CCDC40: variants seen among roughly 807,000 people sequenced by gnomAD.
CCDC40 encodes the protein coiled-coil domain-containing protein 40.
Under a neutral mutation model 124.5 loss-of-function variants are expected in CCDC40, and 104 were observed. The ratio of observed to expected loss-of-function variants is 0.84; its 90% confidence interval spans 0.71 to 0.98. The LOEUF (loss-of-function observed/expected upper bound fraction) is 0.98, where lower values mean the gene tolerates loss of function less well. Ranked by LOEUF, CCDC40 falls within the 50% of genes least tolerant of loss-of-function variation. CCDC40 has a pLI of 0.00. For synonymous variants in CCDC40, 580 were observed against 602.9 expected (o/e 0.96, Z 0.56); for missense variants, 1,463 against 1,503.9 (o/e 0.97, Z 0.45).
chr17:80,096,097 T>A (rs1343602400), intron 18 of CCDC40, among the ~76,000 whole-genome samples: 1 of 152,220 alleles, frequency 6.6e-6, no homozygotes, highest in East Asian at 1.9e-4. Context: ...CCTCGGAGTA[T>A]GTGGGCCTTG....
chr17:80,078,824 G>A (rs1568702885), intron 10 of CCDC40, among the ~76,000 whole-genome samples: 1 of 151,914 alleles, frequency 6.6e-6, no homozygotes, highest in Non-Finnish European at 1.5e-5. Context: ...CTTCTGGGAT[G>A]TAACTGAAAT....
At chr17:80,084,344 A>T (rs796111356) in intron 12 of CCDC40, among the ~76,000 whole-genome samples, 2 of 152,200 alleles carry the variant, frequency 1.3e-5, no homozygotes, top group African/African-American at 4.8e-5. Flanking sequence ...AACACACAAA[A>T]CCATCAGATC....
chr17:80,092,032 CTGTT>C (rs1390874007), intron 17 of CCDC40: 1 of 150,250 alleles, frequency 6.7e-6, no homozygotes, highest in Non-Finnish European at 1.5e-5. Flanking sequence ...TTTGTTTTGT[CTGTT>C]TGTTTTTTGT....
At chr17:80,069,759 A>G (rs1268653885) in intron 10 of CCDC40, among the ~76,000 whole-genome samples, 1 of 151,736 alleles carries the variant, frequency 6.6e-6, no homozygotes, top group African/African-American at 2.4e-5. Context: ...TCAAAAAAAT[A>G]AGAAAGAAAA....
chr17:80,056,284 G>A (rs1453004743), intron 7 of CCDC40, among the ~76,000 whole-genome samples: 1 of 151,668 alleles, frequency 6.6e-6, no homozygotes, highest in South Asian at 2.1e-4. Flanking sequence ...CTCGCTTGCT[G>A]TCCCTTAGCA....
rs749873067 is a variant in CCDC40, at chr17:80,097,421, G to C, written c.3180+18G>C. On this transcript the variant is annotated intron_variant, in intron 19 of 19. Transcript: ENST00000397545. Reference sequence around the variant, plus strand: ...AACGACAGGTAAACGTGTCCCAGGAGGTCCCTGGGGATGACGGCCATGGAA... The same window carrying C: ...AACGACAGGTAAACGTGTCCCAGGACGTCCCTGGGGATGACGGCCATGGAA... The C allele has an allele frequency of 5.6e-6, 9 of 1,613,340 alleles. No homozygotes were observed. The highest frequency in any genetic ancestry group is 2.2e-5 in the East Asian group (1 of 44,872).
intron 4 of CCDC40, chr17:80,048,276 T>A (rs1446544720): frequency 2.5e-6 from 1 of 403,950 alleles, no homozygotes; most frequent in Non-Finnish European, 4.7e-6. Context: ...AAAAATATTG[T>A]ATCCAATCCA....
At chr17:80,072,587 T>C (rs1329058101) in intron 10 of CCDC40, among the ~76,000 whole-genome samples, 1 of 152,206 alleles carries the variant, frequency 6.6e-6, no homozygotes, top group African/African-American at 2.4e-5. Flanking sequence ...ATGTACAAAA[T>C]TGCATACCTC....
chr17:80,063,746 C>T (rs1392962935), intron 9 of CCDC40, among the ~76,000 whole-genome samples: 1 of 152,212 alleles, frequency 6.6e-6, no homozygotes, highest in East Asian at 1.9e-4. Flanking sequence ...GTGATCCGTC[C>T]GCCTTGACCT....
chr17:80,068,261 T>C (rs2038101187), intron 10 of CCDC40, among the ~76,000 whole-genome samples: 1 of 152,140 alleles, frequency 6.6e-6, no homozygotes, highest in Admixed American at 6.5e-5. Context: ...CTTGAACCCC[T>C]ACCTCAGGTG....
At chr17:80,055,996 A>ATTT (rs1568682519) in intron 7 of CCDC40, among the ~76,000 whole-genome samples, 3 of 5,670 alleles carry the variant, frequency 5.3e-4, no homozygotes, top group Non-Finnish European at 1.0e-3. Context: ...ATATATATAT[A>ATTT]TATATATATA....
At position 80,068,112 on chromosome 17, in the gene CCDC40, C is replaced by T. The variant is rs1200343434; in HGVS notation, c.1562+2506C>T. On this transcript the variant is annotated intron_variant, in intron 10 of 19. Transcript: ENST00000397545. ...GCAGTGGCACCATCTCTGCTCACTGCGACCTCCGCCTCCTGGGTTCAAGCG... is the reference window on the plus strand; with the variant it reads ...GCAGTGGCACCATCTCTGCTCACTGTGACCTCCGCCTCCTGGGTTCAAGCG... The T allele has an allele frequency of 5.7e-5, 22 of 386,640 alleles. No individual in the cohort carries two copies. In the East Asian group the frequency reaches 2.3e-3, roughly 40 times the overall value. The allele number at this position is 386,640 out of a possible 1,614,324, so 24.0% of individuals were successfully genotyped here.
In CCDC40 at chr17:80,039,458, C is replaced by CTGAA. The variant is rs769157544; in HGVS notation, c.94-353_94-350dup. ...GACAGAGTCTCACTCTGTCTCCAGG[C>CTGAA]TGAAGTTCAGTGGCACGATCTCAGC... is the stretch of plus-strand genomic sequence containing the variant. On this transcript the variant is annotated intron_variant, in intron 2 of 19. Coordinates refer to ENST00000397545, the MANE Select transcript of CCDC40 (RefSeq NM_017950.4). Among the ~76,000 whole-genome samples the CTGAA allele has an allele frequency of 1.7e-3, 256 of 150,888 alleles. 1 individual carries two copies. The highest frequency in any genetic ancestry group is 3.3e-3 in the Non-Finnish European group (224 of 67,862).
intron 7 of CCDC40, among the ~76,000 whole-genome samples, chr17:80,056,516 A>T (rs980202298): frequency 2.0e-5 from 3 of 152,046 alleles, no homozygotes; most frequent in African/African-American, 7.2e-5. Flanking sequence ...AGTCCCAGCT[A>T]CTTGGGGGGC....
In CCDC40 at chr17:80,097,219, C is replaced by T. The variant is rs767397011; in HGVS notation, c.3022-26C>T. ...CGCCAAGTAGCCGGGCTGCAGGGGC[C>T]CAGCATGGTCCTGTGATTCTCCTAG... On this transcript the variant is annotated intron_variant, in intron 18 of 19. Transcript: ENST00000397545. 2.5e-6 allele frequency: 4 copies of T among 1,613,616 alleles called. No individual in the cohort carries two copies. In the South Asian group the frequency reaches 4.4e-5, roughly 18 times the overall value.
At chr17:80,036,743 C>T (rs1189233116) in intron 1 of CCDC40, 52 bp downstream of exon 1, 5 of 1,453,126 alleles carry the variant, frequency 3.4e-6, no homozygotes, top group Non-Finnish European at 4.5e-6. Context: ...CCGCGCTCTC[C>T]GTTCACCGCT....
intron 3 of CCDC40, among the ~76,000 whole-genome samples, chr17:80,042,259 C>T (rs979230354): frequency 1.3e-5 from 2 of 152,126 alleles, no homozygotes; most frequent in Non-Finnish European, 2.9e-5. Flanking sequence ...GCTGGGACTA[C>T]AGGCACACAC....
At chr17:80,036,762 C>A (rs2143551141) in intron 1 of CCDC40, 71 bp downstream of exon 1, 1 of 1,396,670 alleles carries the variant, frequency 7.2e-7, no homozygotes, top group South Asian at 1.4e-5. Context: ...CTCCAGGTGG[C>A]CCCCGCGTCG....
chr17:80,063,545 C>T (rs1365466741), intron 9 of CCDC40, among the ~76,000 whole-genome samples: 4 of 152,184 alleles, frequency 2.6e-5, no homozygotes, highest in African/African-American at 9.7e-5. Flanking sequence ...TTTGGGTCCC[C>T]ACCTGCTGCC....
Sources: gnomAD v4.1 joint callset for allele counts (sites outside exome capture counted in the v4.1 genomes callset) on GRCh38, gnomAD v4.1.1 for gene constraint, MANE v1.5 for transcripts, NCBI Gene and HGNC (gene_info 2026-07-23, HGNC 2026-07-21) for gene names.